TBC1D14: variants seen among roughly 807,000 people sequenced by gnomAD.
TBC1D14 encodes the protein TBC1 domain family, member 14.
In TBC1D14, 26 loss-of-function variants were observed where a neutral mutation model predicts 79.0. That is an observed-to-expected ratio of 0.33 (90% CI 0.24 to 0.46). The LOEUF is 0.46. TBC1D14 is among the 20% of genes least tolerant of loss of function. The pLI is 1.00. For synonymous variants in TBC1D14, 394 were observed against 349.9 expected, an observed-to-expected ratio of 1.13 and a Z score of -1.40; for missense variants, 769 against 887.6, an observed-to-expected ratio of 0.87 and a Z score of 1.70.
chr4:7,021,232 A>G (rs554682605), intron 12 of TBC1D14, among the ~76,000 whole-genome samples: 1 of 152,368 alleles, frequency 6.6e-6, no homozygotes, highest in South Asian at 2.1e-4. Flanking sequence ...TCACGGGGGA[A>G]ACAGATACGC....
Position 6,996,417 on chromosome 4 carries a change from T to C in TBC1D14, c.1045+10T>C. The C allele has an allele frequency of 6.2e-7, 1 of 1,606,798 alleles. No homozygotes were observed. On this transcript the variant is annotated intron_variant, in intron 5 of 13. Transcript: ENST00000409757. Reference sequence around the variant, plus strand: ...CAGGCCAAAAAGCGAGGTAATGGGGTTCACACTTGATGGGTTAAATCAGGC... The same window carrying C: ...CAGGCCAAAAAGCGAGGTAATGGGGCTCACACTTGATGGGTTAAATCAGGC...
At chr4:6,934,460 A>G (rs911206889) in intron 2 of TBC1D14, among the ~76,000 whole-genome samples, 1 of 152,126 alleles carries the variant, frequency 6.6e-6, no homozygotes, top group African/African-American at 2.4e-5. Context: ...GGAGTTCGAG[A>G]CCAGCCTGGC....
At chr4:6,987,409 G>GCCTGT (rs1394822450) in intron 3 of TBC1D14, 3 of 1,345,256 alleles carry the variant, frequency 2.2e-6, no homozygotes, top group Non-Finnish European at 2.9e-6. Flanking sequence ...GGTCCCGTGG[G>GCCTGT]CCTGTCCTGT....
At chr4:6,956,598 T>C (rs1402425561) in intron 2 of TBC1D14, among the ~76,000 whole-genome samples, 2 of 152,080 alleles carry the variant, frequency 1.3e-5, no homozygotes, top group Non-Finnish European at 2.9e-5. Flanking sequence ...GATCTCTAAT[T>C]GCAGATGAAA....
chr4:6,965,274 C>T (rs1715602387), intron 2 of TBC1D14, among the ~76,000 whole-genome samples: 2 of 152,150 alleles, frequency 1.3e-5, no homozygotes. Context: ...TCTCCTGCCT[C>T]AGCCTCCCGA....
At chr4:6,987,845 C>G (rs1488900389) in intron 3 of TBC1D14, among the ~76,000 whole-genome samples, 1 of 152,236 alleles carries the variant, frequency 6.6e-6, no homozygotes, top group Non-Finnish European at 1.5e-5. Context: ...GAATATGTTT[C>G]ATTCACCAGC....
At chr4:6,973,763 C>T (rs1716463070) in intron 3 of TBC1D14, among the ~76,000 whole-genome samples, 1 of 152,062 alleles carries the variant, frequency 6.6e-6, no homozygotes, top group Non-Finnish European at 1.5e-5. Context: ...TCTGACTTGG[C>T]GAATGGGTCT....
intron 1 of TBC1D14, among the ~76,000 whole-genome samples, chr4:6,915,316 G>C (rs888400876): frequency 2.6e-5 from 4 of 152,216 alleles, no homozygotes; most frequent in Non-Finnish European, 5.9e-5. Context: ...GGGTGCTGGG[G>C]ACAGATGCCT....
rs549456396 is a variant in TBC1D14 at position 6,926,197 on chromosome 4, G to A, written c.722+2086G>A. 5.3e-5 allele frequency among the ~76,000 whole-genome samples: 8 copies of A among 152,354 alleles called. No individual in the cohort carries two copies. In the South Asian group the frequency reaches 1.2e-3, roughly 24 times the overall value. On this transcript the variant is annotated intron_variant, in intron 2 of 13. Coordinates refer to ENST00000409757, the MANE Select transcript of TBC1D14 (RefSeq NM_020773.3). ...TCCGCTGCCTCACCTGAGAAGTGGG[G>A]ATAATGAGCCCTTCCTTCCGTGGCA...
At chr4:7,010,513 C>A in intron 10 of TBC1D14, 140 bp from the exon 11 acceptor site, 3 of 1,003,428 alleles carry the variant, frequency 3.0e-6, no homozygotes, top group South Asian at 3.5e-5. Context: ...GGCAGTTCAG[C>A]GTTGGGTGGC....
rs557910603 is a variant in TBC1D14, at chr4:6,963,196, G to C, written c.723-4108G>C. Among the ~76,000 whole-genome samples, 55 of 152,380 alleles carry C rather than the reference G, an allele frequency of 3.6e-4. 2 individuals are homozygous for C. The Middle Eastern group carries it at 0.024, about 66-fold the overall frequency. The stretch of plus-strand genomic sequence containing the variant: ...GACTTCCCATGTCGGGGGTGGGACA[G>C]GTGCATTTGAAATAGTGAAAAGAGG... On this transcript the variant is annotated intron_variant, in intron 2 of 13. Transcript: ENST00000409757.
chr4:6,945,415 G>T (rs950536280), intron 2 of TBC1D14, among the ~76,000 whole-genome samples: 3 of 152,100 alleles, frequency 2.0e-5, no homozygotes, highest in African/African-American at 7.2e-5. Flanking sequence ...CACTGTCCAC[G>T]GAAAGGGCTG....
chr4:6,976,960 A>AC (rs1716763774), intron 3 of TBC1D14, among the ~76,000 whole-genome samples: 1 of 151,344 alleles, frequency 6.6e-6, no homozygotes. Flanking sequence ...TTTCCTGGGA[A>AC]ACACAATTTT....
chr4:6,972,792 C>T (rs1716335193), intron 3 of TBC1D14, among the ~76,000 whole-genome samples: 1 of 152,144 alleles, frequency 6.6e-6, no homozygotes, highest in South Asian at 2.1e-4. Flanking sequence ...GAAGCTTCAG[C>T]GGTCAGGCTG....
chr4:6,975,348 A>G (rs1437138865), intron 3 of TBC1D14, among the ~76,000 whole-genome samples: 3 of 152,118 alleles, frequency 2.0e-5, no homozygotes, highest in Non-Finnish European at 2.9e-5. Flanking sequence ...AACCGGGACT[A>G]CAGGCACGTG....
chr4:7,010,753 T>G lies in TBC1D14; in HGVS notation c.1619T>G (p.Met540Arg). The G allele has an allele frequency of 1.2e-6, 2 of 1,614,000 alleles. No homozygotes were observed. Among genetic ancestry groups the G allele is most frequent in the Non-Finnish European group, 1.7e-6 (2 of 1,179,954 alleles). The change falls in exon 11 of 14, where the codon ATG becomes AGG. Residue 540 changes from methionine to arginine, a missense_variant. Met to Arg is a moderately conservative substitution (Grantham distance 91, BLOSUM62 -1). Coordinates refer to ENST00000409757, the MANE Select transcript of TBC1D14 (RefSeq NM_020773.3). Reference protein sequence around the residue: ...FSNLLNKPCQMAFFRVDHGLM... With the variant: ...FSNLLNKPCQRAFFRVDHGLM... ...AACCTTCTGAATAAACCCTGTCAAATGGCGTTTTTTAGAGTGGACCATGGC... is the reference window on the plus strand; with the variant it reads ...AACCTTCTGAATAAACCCTGTCAAAGGGCGTTTTTTAGAGTGGACCATGGC...
chr4:6,932,329 C>T (rs1257311588), intron 2 of TBC1D14, among the ~76,000 whole-genome samples: 2 of 151,210 alleles, frequency 1.3e-5, no homozygotes, highest in Non-Finnish European at 2.9e-5. Flanking sequence ...CCAAGATCGC[C>T]GCCACTGCAC....
At chr4:7,024,676 C>T (rs16839579) in intron 12 of TBC1D14, among the ~76,000 whole-genome samples, 4,770 of 152,308 alleles carry the variant, frequency 0.031, 254 homozygotes, top group African/African-American at 0.11. Context: ...GTGGGTGGCG[C>T]GGCGTACAGC....
chr4:6,975,265 A>C (rs1377544209), intron 3 of TBC1D14, among the ~76,000 whole-genome samples: 1 of 152,078 alleles, frequency 6.6e-6, no homozygotes, highest in African/African-American at 2.4e-5. Context: ...GCTGGAGTGC[A>C]GTGGCGCATC....
Sources: gnomAD v4.1 joint callset for allele counts (sites outside exome capture counted in the v4.1 genomes callset) on GRCh38, gnomAD v4.1.1 for gene constraint, MANE v1.5 for transcripts, NCBI Gene and HGNC (gene_info 2026-07-23, HGNC 2026-07-21) for gene names.